DCLRE1C: variants seen among roughly 807,000 people sequenced by gnomAD.
DCLRE1C encodes protein artemis.
Under a neutral mutation model 61.4 loss-of-function variants are expected in DCLRE1C, and 47 were observed. The observed-to-expected ratio is 0.77, with a 90% CI of 0.61 to 0.98. The LOEUF is 0.98. Ranked by LOEUF, DCLRE1C falls within the 50% of genes least tolerant of loss-of-function variation. DCLRE1C has a pLI of 0.00. For synonymous variants in DCLRE1C, 337 were observed against 287.6 expected (o/e 1.17, Z -1.74); for missense variants, 858 against 816.0 (o/e 1.05, Z -0.63).
chr10:14,922,869 G>A (rs1397980533), intron 12 of DCLRE1C, 112 bp downstream of exon 12: 1 of 818,920 alleles, frequency 1.2e-6, no homozygotes, highest in Non-Finnish European at 2.1e-6. Context: ...GTTCAGAAAT[G>A]TCCCAAAACA....
At chr10:14,942,089 G>A (rs1254426069) in intron 3 of DCLRE1C, 1 of 152,192 alleles carries the variant, frequency 6.6e-6, no homozygotes, top group Non-Finnish European at 1.5e-5. Context: ...GCCAGAAATG[G>A]TAACAGCTAG....
At chr10:14,942,877 G>A (rs1375857343) in intron 3 of DCLRE1C, among the ~76,000 whole-genome samples, 12 of 152,160 alleles carry the variant, frequency 7.9e-5, no homozygotes, top group Non-Finnish European at 1.0e-4. Flanking sequence ...TGTAATCCCA[G>A]CCCTTGGGTG....
At chr10:14,920,717 C>G (rs1425230370) in intron 12 of DCLRE1C, among the ~76,000 whole-genome samples, 2 of 152,210 alleles carry the variant, frequency 1.3e-5, no homozygotes, top group East Asian at 3.8e-4. Flanking sequence ...TGCGGTGGCT[C>G]ATGCCTGGAA....
At chr10:14,938,284 C>A (rs1229058160) in intron 4 of DCLRE1C, among the ~76,000 whole-genome samples, 1 of 152,192 alleles carries the variant, frequency 6.6e-6, no homozygotes, top group African/African-American at 2.4e-5. Context: ...CACAGACCAC[C>A]ACAGTATTCC....
At chr10:14,926,740 C>A in intron 11 of DCLRE1C, 103 bp downstream of exon 11, 6 of 816,938 alleles carry the variant, frequency 7.3e-6, no homozygotes, top group South Asian at 1.5e-5. Flanking sequence ...ATGAAACTTA[C>A]ATAGAAACAG....
intron 11 of DCLRE1C, among the ~76,000 whole-genome samples, chr10:14,924,130 C>T (rs750372200): frequency 6.6e-6 from 1 of 152,234 alleles, no homozygotes; most frequent in Non-Finnish European, 1.5e-5. Context: ...TGTTTCCACA[C>T]AAGGTACTGA....
At chr10:14,912,469 G>C (rs1039669757) in intron 13 of DCLRE1C, among the ~76,000 whole-genome samples, 1 of 152,140 alleles carries the variant, frequency 6.6e-6, no homozygotes, top group African/African-American at 2.4e-5. Context: ...GATACGTAAA[G>C]ACTTGTACTC....
chr10:14,954,203 C>A, upstream of DCLRE1C: 1 of 868,030 alleles, frequency 1.2e-6, no homozygotes, highest in South Asian at 1.5e-5. Flanking sequence ...TAGGCGCCCG[C>A]TGCTTGGGTT....
rs968973439 is a variant in DCLRE1C at position 14,899,237 on chromosome 10, T to C, written c.1232A>G (p.Lys411Arg). Residue 411 changes from lysine (K) to arginine (R), a missense_variant, in exon 14 of 14, where the codon AAG becomes AGG. Transcript: ENST00000378289. Reference sequence around the variant, plus strand: ...CAGGAGGCTGAGGCAGGAAGATCGCTTGATCCCAGGAGTTAAAGGATACAG... The same window carrying C: ...CAGGAGGCTGAGGCAGGAAGATCGCCTGATCCCAGGAGTTAAAGGATACAG... 19 of 702,044 alleles carry C rather than the reference T, an allele frequency of 2.7e-5. No homozygotes were observed. The African/African-American group carries it at 2.8e-4, about 10-fold the overall frequency. The allele number at this position is 702,044 out of a possible 1,614,324, so 43.5% of individuals were successfully genotyped here. A position where few individuals can be genotyped will look rare whatever the true frequency, so the allele number is the denominator to read the frequency against.
chr10:14,945,384 A>C, intron 2 of DCLRE1C, 195 bp from the exon 3 acceptor site: 6 of 1,315,206 alleles, frequency 4.6e-6, no homozygotes, highest in Non-Finnish European at 5.8e-6. Context: ...TACATCTAAT[A>C]ATTCAGAAAT....
At chr10:14,945,543 C>G in intron 2 of DCLRE1C, 16 of 1,095,086 alleles carry the variant, frequency 1.5e-5, no homozygotes, top group Non-Finnish European at 1.8e-5. Flanking sequence ...TGGAAATACG[C>G]GCTTGTATGT....
In DCLRE1C at chr10:14,909,218, T is replaced by C; in HGVS notation, c.1269A>G (p.Glu423=). 6.2e-7 allele frequency: 1 copy of C among 1,614,166 alleles called. No homozygotes were observed. The highest frequency in any genetic ancestry group is 1.1e-5 in the South Asian group (1 of 91,076). ...TTTGTCTCAGTTTTTCAGGCTGCTT[T>C]TCTGATACTGCAGTCATTGAAAATA... ...PEVFSMTAVS[E]KQPEKLRQTP... The change falls in exon 14 of 14, where the codon GAA becomes GAG. Residue 423 remains glutamate (E), a synonymous_variant. Coordinates refer to ENST00000378278, the MANE Select transcript of DCLRE1C (RefSeq NM_001033855.3).
At chr10:14,919,969 A>G (rs749580498) in intron 12 of DCLRE1C, 137 bp from the exon 13 acceptor site, 19 of 719,426 alleles carry the variant, frequency 2.6e-5, no homozygotes, top group Non-Finnish European at 4.4e-5. Flanking sequence ...TCTTGACCAT[A>G]AGGGAAATCA....
chr10:14,910,781 G>A (rs113832370), intron 13 of DCLRE1C, among the ~76,000 whole-genome samples: 3 of 91,306 alleles, frequency 3.3e-5, no homozygotes, highest in African/African-American at 1.3e-4. Flanking sequence ...ATGGAGTAAC[G>A]GACTAGATTT....
chr10:14,933,251 G>A (rs1185024482), intron 8 of DCLRE1C, among the ~76,000 whole-genome samples: 1 of 152,190 alleles, frequency 6.6e-6, no homozygotes, highest in African/African-American at 2.4e-5. Flanking sequence ...GAGAAATTCA[G>A]TTAATATTCC....
intron 1 of DCLRE1C, among the ~76,000 whole-genome samples, chr10:14,949,506 T>G (rs1842149355): frequency 6.6e-6 from 1 of 152,226 alleles, no homozygotes; most frequent in Non-Finnish European, 1.5e-5. Flanking sequence ...TCATGGAGTC[T>G]GCTGGGAAAT....
chr10:14,926,823 A>C lies in DCLRE1C; in HGVS notation c.972+20T>G. ...AGAACACTGAGCGATAAGGGTTATG[A>C]GTATATGGGATCCTCTTACCTCACT... On this transcript the variant is annotated intron_variant, in intron 11 of 13. Transcript: ENST00000378278. 6.2e-7 allele frequency: 1 copy of C among 1,603,228 alleles called. No individual in the cohort carries two copies. Among genetic ancestry groups the C allele is most frequent in the African/African-American group, 1.3e-5 (1 of 74,786 alleles).
At chr10:14,941,446 G>A (rs1447292084) in intron 3 of DCLRE1C, among the ~76,000 whole-genome samples, 2 of 152,046 alleles carry the variant, frequency 1.3e-5, no homozygotes, top group Non-Finnish European at 2.9e-5. Context: ...TACTATACCA[G>A]GCTAGTTTTT....
At chr10:14,915,602 A>C (rs918492736) in intron 13 of DCLRE1C, among the ~76,000 whole-genome samples, 2 of 151,904 alleles carry the variant, frequency 1.3e-5, no homozygotes, top group African/African-American at 4.8e-5. Context: ...AATAACCTGA[A>C]TAGTCCTGTG....
Sources: allele counts gnomAD v4.1 joint callset (sites outside exome capture counted in the v4.1 genomes callset), GRCh38; gene constraint gnomAD v4.1.1; transcripts MANE v1.5; gene names NCBI Gene and HGNC (gene_info 2026-07-23, HGNC 2026-07-21).